SCGB2B2: variants seen among roughly 807,000 people sequenced by gnomAD.
SCGB2B2 encodes the protein secretoglobin family 2B member 2.
Under a neutral mutation model 7.6 loss-of-function variants are expected in SCGB2B2, and 11 were observed. That is an observed-to-expected ratio of 1.45 (90% CI 0.91 to 2.40). The LOEUF (loss-of-function observed/expected upper bound fraction) is 2.40. Ranked by LOEUF, SCGB2B2 falls within the 30% of genes most tolerant of loss-of-function variation. The pLI is 0.00. For synonymous variants in SCGB2B2, 50 were observed against 48.6 expected, an observed-to-expected ratio of 1.03 and a Z score of -0.12; for missense variants, 104 against 115.4, an observed-to-expected ratio of 0.90 and a Z score of 0.45.
At chr19:34,639,334 T>C (rs540844557) in intron 1 of SCGB2B2, among the ~76,000 whole-genome samples, 1 of 152,342 alleles carries the variant, frequency 6.6e-6, no homozygotes, top group African/African-American at 2.4e-5. Flanking sequence ...CTACCACTTG[T>C]TTTCCTACAC....
intron 1 of SCGB2B2, among the ~76,000 whole-genome samples, chr19:34,624,391 TAGTTTAGTTGAA>T (rs2066314230): frequency 6.6e-6 from 1 of 152,158 alleles, no homozygotes; most frequent in Admixed American, 6.5e-5. Flanking sequence ...CAGTTTAGTT[TAGTTTAGTTGAA>T]AGTTTAGTTG....
Position 34,643,431 on chromosome 19 carries a change from G to C in SCGB2B2, c.-2032+32199C>G, listed in dbSNP as rs559804330. Among the ~76,000 whole-genome samples the C allele has an allele frequency of 3.3e-5, 5 of 152,244 alleles. No individual in the cohort carries two copies. In the South Asian group the frequency reaches 8.3e-4, roughly 25 times the overall value. ...ACAGGCTGGGAAGGGTGTGGGTGGG[G>C]GGAGATGAAGAGAGGGAGGTTAACG... On this transcript the variant is annotated intron_variant, in intron 1 of 3. Transcript: ENST00000601241.
At chr19:34,662,910 G>A (rs748186212) in intron 1 of SCGB2B2, among the ~76,000 whole-genome samples, 4 of 152,048 alleles carry the variant, frequency 2.6e-5, no homozygotes, top group Admixed American at 6.6e-5. Flanking sequence ...TAGCCTGGGC[G>A]GCTGAGAGAG....
chr19:34,623,345 GGTT>G (rs919800055), intron 1 of SCGB2B2, among the ~76,000 whole-genome samples: 6 of 152,168 alleles, frequency 3.9e-5, no homozygotes, highest in African/African-American at 1.4e-4. Flanking sequence ...CTTGAAGATG[GGTT>G]GTTAAGTATC....
At chr19:34,589,695 G>A (rs998509924), downstream of SCGB2B2, among the ~76,000 whole-genome samples, 25 of 152,040 alleles carry the variant, frequency 1.6e-4, no homozygotes, top group African/African-American at 5.6e-4. Context: ...GCAGCCTAGG[G>A]GGTGAGACCT....
chr19:34,599,485 G>A (rs763755621), intron 1 of SCGB2B2, among the ~76,000 whole-genome samples: 2 of 152,210 alleles, frequency 1.3e-5, no homozygotes, highest in Non-Finnish European at 2.9e-5. Flanking sequence ...TCACATGGCG[G>A]CAGCAAGAGA....
chr19:34,622,808 A>C (rs1233128184), intron 1 of SCGB2B2, among the ~76,000 whole-genome samples: 1 of 152,152 alleles, frequency 6.6e-6, no homozygotes, highest in African/African-American at 2.4e-5. Flanking sequence ...CTGAGTAATA[A>C]ACTTGTCCTT....
rs980440655 is a variant in SCGB2B2, at chr19:34,591,013, A to G, written c.*2542T>C. Among the ~76,000 whole-genome samples, 97 of 152,338 alleles carry G rather than the reference A, an allele frequency of 6.4e-4. No homozygotes were observed. The highest frequency in any genetic ancestry group is 2.2e-3 in the African/African-American group (93 of 41,578). On this transcript the variant is annotated 3_prime_UTR_variant, in exon 4 of 4. Coordinates refer to ENST00000601241, the MANE Select transcript of SCGB2B2 (RefSeq NM_001025591.4). ...CAAGCTGAGTTTTAATTGAGACTGA[A>G]TAAGTAGCATGATCTGCATTATTTT...
chr19:34,599,455 T>C (rs576746533), intron 1 of SCGB2B2, among the ~76,000 whole-genome samples: 2 of 152,308 alleles, frequency 1.3e-5, no homozygotes, highest in South Asian at 4.1e-4. Flanking sequence ...ACAATCACGG[T>C]GGAAGGTGAA....
downstream of SCGB2B2, among the ~76,000 whole-genome samples, chr19:34,590,378 C>T (rs1057288578): frequency 5.8e-5 from 8 of 138,748 alleles, no homozygotes; most frequent in Non-Finnish European, 1.1e-4. Context: ...TCCATCCATC[C>T]GTTCATCCAT....
chr19:34,654,106 A>T (rs1266167263), intron 1 of SCGB2B2, among the ~76,000 whole-genome samples: 1 of 151,282 alleles, frequency 6.6e-6, no homozygotes, highest in Non-Finnish European at 1.5e-5. Context: ...GATTTTTACA[A>T]GTGTCAAAAG....
intron 1 of SCGB2B2, among the ~76,000 whole-genome samples, chr19:34,618,873 T>A (rs1019229688): frequency 3.3e-5 from 5 of 152,184 alleles, no homozygotes; most frequent in African/African-American, 1.2e-4. Context: ...CTCCCAAACT[T>A]AGCCAGGGGA....
intron 1 of SCGB2B2, among the ~76,000 whole-genome samples, chr19:34,612,443 G>A (rs1166379587): frequency 6.6e-6 from 1 of 152,144 alleles, no homozygotes; most frequent in Non-Finnish European, 1.5e-5. Context: ...TCACATTAGG[G>A]TAAATGGAAT....
chr19:34,587,591 A>C, downstream of SCGB2B2, among the ~76,000 whole-genome samples: 1 of 152,170 alleles, frequency 6.6e-6, no homozygotes, highest in Non-Finnish European at 1.5e-5. Flanking sequence ...AAAAATGGAC[A>C]TTCTTGCCTT....
At chr19:34,651,404 A>C (rs1298195865) in intron 1 of SCGB2B2, among the ~76,000 whole-genome samples, 4 of 151,188 alleles carry the variant, frequency 2.6e-5, no homozygotes, top group Non-Finnish European at 1.5e-5. Context: ...CCACCAAAAA[A>C]ACTCTTAGAA....
intron 1 of SCGB2B2, among the ~76,000 whole-genome samples, chr19:34,608,979 TTTG>T (rs2065858846): frequency 6.6e-6 from 1 of 151,952 alleles, no homozygotes; most frequent in Admixed American, 6.6e-5. Context: ...CTCACTAGCA[TTTG>T]TTATCTTTTG....
intron 1 of SCGB2B2, 137 bp downstream of exon 1, chr19:34,675,493 A>G (rs1454365779): frequency 6.6e-6 from 1 of 152,252 alleles, no homozygotes; most frequent in Non-Finnish European, 1.5e-5. Flanking sequence ...CAGACACTTA[A>G]GGCATTCTAA....
At chr19:34,587,806 A>T (rs893225693), downstream of SCGB2B2, among the ~76,000 whole-genome samples, 2 of 152,108 alleles carry the variant, frequency 1.3e-5, no homozygotes, top group African/African-American at 4.8e-5. Flanking sequence ...TCTTGTACTC[A>T]TTCTGTTGAT....
chr19:34,610,188 T>G (rs2065889683), intron 1 of SCGB2B2, among the ~76,000 whole-genome samples: 1 of 152,128 alleles, frequency 6.6e-6, no homozygotes, highest in Non-Finnish European at 1.5e-5. Flanking sequence ...AATTCCTTTA[T>G]CAGTTATAAG....
Sources: gnomAD v4.1 joint callset for allele counts (sites outside exome capture counted in the v4.1 genomes callset) on GRCh38, gnomAD v4.1.1 for gene constraint, MANE v1.5 for transcripts, NCBI Gene and HGNC (gene_info 2026-07-23, HGNC 2026-07-21) for gene names.